SEMA3E: variants seen among roughly 807,000 people sequenced by gnomAD.
SEMA3E encodes the protein semaphorin 3E, also known as semaphorin-3E.
In SEMA3E, 49 loss-of-function variants were observed where a neutral mutation model predicts 93.6. The ratio of observed to expected loss-of-function variants is 0.52; its 90% CI spans 0.42 to 0.66. The LOEUF is 0.66. SEMA3E is among the 30% of genes least tolerant of loss of function. The pLI is 0.00. For synonymous variants in SEMA3E, 363 were observed against 330.7 expected, an observed-to-expected ratio of 1.10 and a Z score of -1.06; for missense variants, 906 against 964.8, an observed-to-expected ratio of 0.94 and a Z score of 0.81.
chr7:83,557,147 A>C (rs1791912891), intron 1 of SEMA3E, among the ~76,000 whole-genome samples: 1 of 152,142 alleles, frequency 6.6e-6, no homozygotes, highest in Non-Finnish European at 1.5e-5. Context: ...GAAGATCAAA[A>C]GTCTTATGTC....
At chr7:83,371,362 A>G (rs911225443) in intron 16 of SEMA3E, 10 of 152,198 alleles carry the variant, frequency 6.6e-5, no homozygotes, top group African/African-American at 2.4e-4. Context: ...GAGTCATCAC[A>G]TGGTATAGCT....
intron 1 of SEMA3E, among the ~76,000 whole-genome samples, chr7:83,508,427 T>A (rs1790748173): frequency 6.6e-6 from 1 of 152,018 alleles, no homozygotes; most frequent in Non-Finnish European, 1.5e-5. Context: ...CACACCCGGC[T>A]AATTTTGTGT....
At chr7:83,639,632 C>T (rs1793959182) in intron 1 of SEMA3E, among the ~76,000 whole-genome samples, 1 of 150,166 alleles carries the variant, frequency 6.7e-6, no homozygotes, top group South Asian at 2.1e-4. Context: ...GATACTATAA[C>T]ACCATATCAT....
In SEMA3E at chr7:83,399,657, T is replaced by C. The variant is rs138596951; in HGVS notation, c.1366+371A>G. 9.4e-3 allele frequency among the ~76,000 whole-genome samples: 1,439 copies of C among 152,352 alleles called. 26 individuals are homozygous for C. The highest frequency in any genetic ancestry group is 0.032 in the African/African-American group (1,340 of 41,586). ...TGTTCATTAACGTCTATTATTCATT[T>C]CTTTACTTATTCATTTATTCTTATG... On this transcript the variant is annotated intron_variant, in intron 11 of 16. Transcript: ENST00000643230.
intron 1 of SEMA3E, among the ~76,000 whole-genome samples, chr7:83,554,508 A>G (rs756664513): frequency 4.8e-5 from 7 of 146,942 alleles, no homozygotes; most frequent in Non-Finnish European, 8.9e-5. Flanking sequence ...ACATTCAACA[A>G]AATTGGAGAG....
intron 1 of SEMA3E, among the ~76,000 whole-genome samples, chr7:83,642,725 T>C (rs1329162798): frequency 6.6e-6 from 1 of 152,120 alleles, no homozygotes; most frequent in African/African-American, 2.4e-5. Context: ...TGTCATATGT[T>C]ACACTAGAAA....
At chr7:83,402,847 T>A in intron 9 of SEMA3E, 71 bp from the exon 10 acceptor site, 1 of 1,446,674 alleles carries the variant, frequency 6.9e-7, no homozygotes, top group Non-Finnish European at 9.5e-7. Context: ...TACCCCAGCC[T>A]ACAAAGATAA....
intron 1 of SEMA3E, among the ~76,000 whole-genome samples, chr7:83,581,059 G>A (rs1792508737): frequency 6.6e-6 from 1 of 151,842 alleles, no homozygotes; most frequent in African/African-American, 2.4e-5. Flanking sequence ...ACTTTGAAAT[G>A]GGCTTATTAT....
At chr7:83,596,023 C>T (rs1193487858) in intron 1 of SEMA3E, among the ~76,000 whole-genome samples, 1 of 152,066 alleles carries the variant, frequency 6.6e-6, no homozygotes, top group Non-Finnish European at 1.5e-5. Flanking sequence ...TTATTTTCCT[C>T]ATTTCTTCTA....
At chr7:83,616,509 G>A (rs562917866) in intron 1 of SEMA3E, 13 of 215,378 alleles carry the variant, frequency 6.0e-5, no homozygotes, top group East Asian at 2.9e-4. Context: ...AAAAAATAGC[G>A]GGCAAACTGG....
At chr7:83,642,667 T>C (rs545008146) in intron 1 of SEMA3E, among the ~76,000 whole-genome samples, 2 of 151,872 alleles carry the variant, frequency 1.3e-5, no homozygotes, top group African/African-American at 4.8e-5. Context: ...TGAAAAAAAA[T>C]ATCAAAATAA....
intron 1 of SEMA3E, among the ~76,000 whole-genome samples, chr7:83,599,059 C>T (rs768660380): frequency 6.6e-5 from 10 of 151,992 alleles, no homozygotes. Context: ...TCAGAAAATG[C>T]ATATCAAATA....
At chr7:83,449,715 T>C (rs1789314359) in intron 4 of SEMA3E, among the ~76,000 whole-genome samples, 1 of 152,180 alleles carries the variant, frequency 6.6e-6, no homozygotes, top group East Asian at 1.9e-4. Flanking sequence ...GGTTTTGTTC[T>C]CTCTTCCTGT....
At chr7:83,538,096 T>C (rs1791441948) in intron 1 of SEMA3E, among the ~76,000 whole-genome samples, 2 of 152,204 alleles carry the variant, frequency 1.3e-5, no homozygotes, top group Non-Finnish European at 2.9e-5. Context: ...TGTTTATCCA[T>C]TCATCCGCTG....
At chr7:83,369,407 C>G (rs1320005582) in intron 16 of SEMA3E, among the ~76,000 whole-genome samples, 1 of 152,072 alleles carries the variant, frequency 6.6e-6, no homozygotes, top group Non-Finnish European at 1.5e-5. Context: ...ATTTGTGGAA[C>G]AGATGGCAAA....
chr7:83,535,253 T>C (rs1293391376), intron 1 of SEMA3E, among the ~76,000 whole-genome samples: 1 of 152,150 alleles, frequency 6.6e-6, no homozygotes, highest in Non-Finnish European at 1.5e-5. Context: ...TCCACATAAA[T>C]TTGGCTTTTC....
At chr7:83,511,306 G>A (rs2115648542) in intron 1 of SEMA3E, among the ~76,000 whole-genome samples, 1 of 147,292 alleles carries the variant, frequency 6.8e-6, no homozygotes, top group South Asian at 2.1e-4. Flanking sequence ...TTTTTAATGA[G>A]AAAACAGACA....
intron 1 of SEMA3E, among the ~76,000 whole-genome samples, chr7:83,517,913 A>C (rs1790965531): frequency 6.6e-6 from 1 of 152,254 alleles, no homozygotes. Context: ...GTGGTAGCAA[A>C]TGAGGACCAT....
At chr7:83,423,649 G>A (rs974730464) in intron 4 of SEMA3E, among the ~76,000 whole-genome samples, 11 of 148,470 alleles carry the variant, frequency 7.4e-5, no homozygotes, top group South Asian at 2.1e-4. Context: ...GACTACAGAC[G>A]CCCACCACCA....
Sources: gnomAD v4.1 joint callset for allele counts (sites outside exome capture counted in the v4.1 genomes callset) on GRCh38, gnomAD v4.1.1 for gene constraint, MANE v1.5 for transcripts, NCBI Gene and HGNC (gene_info 2026-07-23, HGNC 2026-07-21) for gene names.